Variants in EYA2 observed in about 807,000 individuals in gnomAD.
EYA2 encodes EYA transcriptional coactivator and phosphatase 2, also known as protein phosphatase EYA2.
Under a neutral mutation model 69.2 loss-of-function variants are expected in EYA2, and 31 were observed. That is an observed-to-expected ratio of 0.45 (90% confidence interval 0.34 to 0.60). The LOEUF (loss-of-function observed/expected upper bound fraction) is 0.60, where lower values mean the gene tolerates loss of function less well. Ranked by LOEUF, EYA2 falls within the 20% of genes least tolerant of loss-of-function variation. EYA2 has a pLI of 0.02. For missense variants in EYA2, 622 were observed against 701.2 expected, an observed-to-expected ratio of 0.89 and a Z score of 1.28; for synonymous variants, 257 against 279.4, an observed-to-expected ratio of 0.92 and a Z score of 0.80.
intron 5 of EYA2, among the ~76,000 whole-genome samples, chr20:47,032,283 G>A (rs966953572): frequency 2.0e-5 from 3 of 152,198 alleles, no homozygotes; most frequent in Non-Finnish European, 2.9e-5. Context: ...GGAACATGCA[G>A]GGAATTCCTG....
intron 9 of EYA2, among the ~76,000 whole-genome samples, chr20:47,105,369 A>T (rs1456920710): frequency 6.6e-6 from 1 of 152,164 alleles, no homozygotes; most frequent in African/African-American, 2.4e-5. Context: ...CCATGCCTGT[A>T]ATCCCAGCAC....
chr20:47,084,521 A>G (rs545949415), intron 7 of EYA2, among the ~76,000 whole-genome samples: 76 of 152,354 alleles, frequency 5.0e-4, no homozygotes, highest in African/African-American at 1.8e-3. Flanking sequence ...AGCCTGACAG[A>G]GTGAGACCCT....
At chr20:47,093,670 A>G (rs1325659751) in intron 8 of EYA2, among the ~76,000 whole-genome samples, 1 of 152,236 alleles carries the variant, frequency 6.6e-6, no homozygotes, top group African/African-American at 2.4e-5. Flanking sequence ...TCTGGGCACC[A>G]GCGCCTGCAC....
chr20:46,936,093 A>G (rs1254731004), intron 1 of EYA2, among the ~76,000 whole-genome samples: 1 of 152,136 alleles, frequency 6.6e-6, no homozygotes, highest in South Asian at 2.1e-4. Flanking sequence ...AATCCTAAAC[A>G]CTTCCAGTCC....
intron 1 of EYA2, among the ~76,000 whole-genome samples, chr20:46,948,672 C>G (rs896816060): frequency 6.6e-6 from 1 of 152,188 alleles, no homozygotes; most frequent in Non-Finnish European, 1.5e-5. Context: ...TATTGTGTTT[C>G]TCTCGTAAGG....
At position 47,008,942 on chromosome 20, in the gene EYA2, T is replaced by A. The variant is rs1018956254; in HGVS notation, c.298+3858T>A. Among the ~76,000 whole-genome samples the A allele has an allele frequency of 8.5e-5, 13 of 152,268 alleles. No individual in the cohort carries two copies. In the East Asian group the frequency reaches 2.5e-3, roughly 29 times the overall value. On this transcript the variant is annotated intron_variant, in intron 4 of 15. Transcript: ENST00000327619. ...GTGGTAAATACTTTCTACTTTGTGA[T>A]CCATATGGTCTTTATTACAACTACT...
chr20:46,994,796 A>T (rs1981908430), intron 2 of EYA2, among the ~76,000 whole-genome samples: 1 of 152,078 alleles, frequency 6.6e-6, no homozygotes, highest in Non-Finnish European at 1.5e-5. Flanking sequence ...CGTGGCCTCC[A>T]CAGGTAAAGA....
intron 10 of EYA2, chr20:47,161,039 G>T: frequency 3.4e-6 from 1 of 294,920 alleles, no homozygotes; most frequent in Non-Finnish European, 6.4e-6. Flanking sequence ...AAGTTTCCCA[G>T]GGTGGCAGTG....
rs919366791 is a variant in EYA2 at position 47,162,442 on chromosome 20, TAG to T, written c.979-6693_979-6692del. Reference sequence around the variant, plus strand: ...TCCAATACTAGTTTCTGTCCAGTGATAGAGATTTTTGTCTCTATCTCACTGAG... The same window carrying T: ...TCCAATACTAGTTTCTGTCCAGTGATAGATTTTTGTCTCTATCTCACTGAG... On this transcript the variant is annotated intron_variant, in intron 10 of 15. Coordinates refer to ENST00000327619, the MANE Select transcript of EYA2 (RefSeq NM_005244.5). Among the ~76,000 whole-genome samples the T allele has an allele frequency of 3.3e-5, 5 of 152,072 alleles. 1 individual carries two copies. The highest frequency in any genetic ancestry group is 1.2e-4 in the African/African-American group (5 of 41,404).
intron 1 of EYA2, among the ~76,000 whole-genome samples, chr20:46,932,270 A>G (rs1057386998): frequency 1.6e-4 from 24 of 151,964 alleles, no homozygotes; most frequent in Non-Finnish European, 8.8e-5. Flanking sequence ...TTTTATGGTC[A>G]TGCTCACCTT....
At chr20:47,085,423 G>A (rs367678097) in intron 7 of EYA2, among the ~76,000 whole-genome samples, 29 of 151,980 alleles carry the variant, frequency 1.9e-4, no homozygotes, top group South Asian at 1.7e-3. Flanking sequence ...TGAGGTGGGC[G>A]GATCATGAGG....
chr20:47,170,370 G>A (rs924640711), intron 11 of EYA2, among the ~76,000 whole-genome samples: 1 of 152,044 alleles, frequency 6.6e-6, no homozygotes, highest in Non-Finnish European at 1.5e-5. Flanking sequence ...CTTCAGGCCG[G>A]GTGTGGTGGC....
chr20:47,040,090 C>G (rs1013347599), intron 5 of EYA2, among the ~76,000 whole-genome samples: 1 of 152,068 alleles, frequency 6.6e-6, no homozygotes, highest in Non-Finnish European at 1.5e-5. Context: ...ACCCACCCAC[C>G]TCGGCCACCC....
chr20:47,015,717 C>T (rs1983367930), intron 4 of EYA2, among the ~76,000 whole-genome samples: 1 of 152,174 alleles, frequency 6.6e-6, no homozygotes, highest in African/African-American at 2.4e-5. Context: ...CTTTCCCTTC[C>T]CCACTTTTGA....
At chr20:46,921,206 C>T (rs1056634282) in intron 1 of EYA2, among the ~76,000 whole-genome samples, 1 of 152,248 alleles carries the variant, frequency 6.6e-6, no homozygotes. Flanking sequence ...ATGCGCCGGC[C>T]CTCGCCTCAG....
At chr20:47,000,345 C>T (rs1490118275) in intron 2 of EYA2, among the ~76,000 whole-genome samples, 4 of 152,208 alleles carry the variant, frequency 2.6e-5, no homozygotes, top group African/African-American at 7.2e-5. Context: ...GATCTAGGAA[C>T]TTGCCTGAAG....
chr20:47,085,786 A>G (rs1453186011), intron 7 of EYA2, among the ~76,000 whole-genome samples: 1 of 152,236 alleles, frequency 6.6e-6, no homozygotes, highest in Non-Finnish European at 1.5e-5. Context: ...TAGAAAATTC[A>G]AACCAAAGTC....
At chr20:47,024,565 C>T (rs925457121) in intron 5 of EYA2, among the ~76,000 whole-genome samples, 3 of 152,240 alleles carry the variant, frequency 2.0e-5, no homozygotes, top group Non-Finnish European at 4.4e-5. Context: ...CTCCAGAGCG[C>T]TCCCAGCACA....
intron 12 of EYA2, among the ~76,000 whole-genome samples, chr20:47,177,051 G>A (rs2034441739): frequency 1.3e-5 from 2 of 152,104 alleles, no homozygotes; most frequent in South Asian, 4.1e-4. Flanking sequence ...GCCCGCCTCG[G>A]CCTCCAAAAG....
Sources: allele counts gnomAD v4.1 joint callset (sites outside exome capture counted in the v4.1 genomes callset), GRCh38; gene constraint gnomAD v4.1.1; transcripts MANE v1.5; gene names NCBI Gene and HGNC (gene_info 2026-07-23, HGNC 2026-07-21).